Variants in CDKL5 observed in about 807,000 individuals in gnomAD.
CDKL5 encodes the protein cyclin-dependent kinase-like 5.
Under a neutral mutation model 61.7 loss-of-function variants are expected in CDKL5, and 8 were observed. That is an observed-to-expected ratio of 0.13 (90% CI 0.08 to 0.23). CDKL5 has a LOEUF of 0.23. Ranked by LOEUF, CDKL5 falls within the 10% of genes least tolerant of loss-of-function variation. The pLI is 1.00. For missense variants in CDKL5, 440 were observed against 734.5 expected, an observed-to-expected ratio of 0.60 and a Z score of 4.63; for synonymous variants, 275 against 272.3, an observed-to-expected ratio of 1.01 and a Z score of -0.10.
intron 1 of CDKL5, among the ~76,000 whole-genome samples, chrX:18,489,103 C>T (rs1477287504): frequency 1.8e-5 from 2 of 111,158 alleles, no homozygotes; most frequent in Non-Finnish European, 3.8e-5. Context: ...GGAGAGAATA[C>T]TGTCTGGCAC....
chrX:18,528,929 C>A (rs1772488547), intron 3 of CDKL5, among the ~76,000 whole-genome samples: 1 of 111,725 alleles, frequency 9.0e-6, no homozygotes, highest in African/African-American at 3.3e-5. Context: ...AGCCACCACA[C>A]CTGGCCCATT....
At chrX:18,617,280 A>G (rs1045643727) in intron 15 of CDKL5, among the ~76,000 whole-genome samples, 1 of 111,601 alleles carries the variant, frequency 9.0e-6, no homozygotes, top group African/African-American at 3.3e-5. Flanking sequence ...TTTGGTCCCA[A>G]CTGCTGCTCT....
intron 3 of CDKL5, among the ~76,000 whole-genome samples, chrX:18,553,858 A>G (rs754149515): frequency 4.5e-5 from 5 of 111,343 alleles, no homozygotes; most frequent in African/African-American, 1.3e-4. Context: ...TCATAAGACT[A>G]TCCTCTTTTT....
At chrX:18,642,083 A>G (rs281865356), downstream of CDKL5, 1 of 1,211,669 alleles carries the variant, frequency 8.3e-7, no homozygotes, top group Non-Finnish European at 1.1e-6. Context: ...GATGAGGCGG[A>G]TGAAGCGGGA....
At chrX:18,643,893 TC>T (rs1927673090), downstream of CDKL5, among the ~76,000 whole-genome samples, 1 of 111,237 alleles carries the variant, frequency 9.0e-6, no homozygotes, top group Non-Finnish European at 1.9e-5. Flanking sequence ...AAGACTTCTG[TC>T]TCAATCCACA....
chrX:18,615,618 A>G lies in CDKL5; in HGVS notation c.2276+2343A>G, dbSNP rs140435220. 8.1e-5 allele frequency among the ~76,000 whole-genome samples: 9 copies of G among 111,440 alleles called. No individual in the cohort carries two copies. The East Asian group carries it at 2.3e-3, about 28-fold the overall frequency. On this transcript the variant is annotated intron_variant, in intron 15 of 17. Transcript: ENST00000623535. ...TCTTTTGTAAACATGGGGTCTCACTATGCTGCTCAGGCTGGACTCCAGCTC... is the reference window on the plus strand; with the variant it reads ...TCTTTTGTAAACATGGGGTCTCACTGTGCTGCTCAGGCTGGACTCCAGCTC...
chrX:18,597,558 A>T (rs1409138251), intron 10 of CDKL5, among the ~76,000 whole-genome samples: 2 of 109,108 alleles, frequency 1.8e-5, no homozygotes, highest in Admixed American at 2.0e-4. Flanking sequence ...AAACCAAAAA[A>T]TTAGAGTTGA....
chrX:18,479,976 C>G (rs1882214621), intron 1 of CDKL5, among the ~76,000 whole-genome samples: 1 of 111,622 alleles, frequency 9.0e-6, no homozygotes, highest in Non-Finnish European at 1.9e-5. Flanking sequence ...TTCCATGTAC[C>G]CCACATGTAG....
In CDKL5 at chrX:18,476,130, A is replaced by G. The variant is rs139698912; in HGVS notation, c.-162-30805A>G. On this transcript the variant is annotated intron_variant, in intron 1 of 17. Transcript: ENST00000623535. ...TTCTCATTTCTTTGGTTCAACTTTCAGTACTTTGTGAGCTCTCTCATTAGG... is the reference window on the plus strand; with the variant it reads ...TTCTCATTTCTTTGGTTCAACTTTCGGTACTTTGTGAGCTCTCTCATTAGG... 4.5e-3 allele frequency among the ~76,000 whole-genome samples: 502 copies of G among 111,878 alleles called. 4 individuals are homozygous for G. Among genetic ancestry groups the G allele is most frequent in the African/African-American group, 0.015 (454 of 30,857 alleles).
intron 1 of CDKL5, among the ~76,000 whole-genome samples, chrX:18,434,809 T>C (rs1473726800): frequency 9.0e-6 from 1 of 110,979 alleles, no homozygotes; most frequent in Non-Finnish European, 1.9e-5. Flanking sequence ...GCACCTGTAA[T>C]CCCAGCTACT....
intron 1 of CDKL5, among the ~76,000 whole-genome samples, chrX:18,465,877 A>G (rs1379985516): frequency 8.9e-6 from 1 of 111,858 alleles, no homozygotes; most frequent in Non-Finnish European, 1.9e-5. Flanking sequence ...AGCTTTCTAC[A>G]TAGAAGATTT....
chrX:18,544,744 A>G (rs997759635), intron 3 of CDKL5, among the ~76,000 whole-genome samples: 3 of 112,676 alleles, frequency 2.7e-5, no homozygotes, highest in Admixed American at 9.4e-5. Flanking sequence ...ACACAATTAA[A>G]TGTTACTAAA....
intron 3 of CDKL5, among the ~76,000 whole-genome samples, chrX:18,533,788 T>A (rs1835589861): frequency 8.9e-6 from 1 of 111,783 alleles, no homozygotes; most frequent in Non-Finnish European, 1.9e-5. Context: ...CCAGAGATTC[T>A]CAGGACCAGC....
At chrX:18,595,938 C>G (rs1925978148) in intron 10 of CDKL5, among the ~76,000 whole-genome samples, 3 of 111,534 alleles carry the variant, frequency 2.7e-5, no homozygotes, top group Admixed American at 9.5e-5. Flanking sequence ...CTTATGCTAC[C>G]CTCCCTGTCC....
chrX:18,502,587 G>T (rs1463859419), intron 1 of CDKL5, among the ~76,000 whole-genome samples: 1 of 111,170 alleles, frequency 9.0e-6, no homozygotes, highest in Non-Finnish European at 1.9e-5. Flanking sequence ...TTTTGAATGA[G>T]AAGTTTATGA....
At chrX:18,454,123 T>C (rs1471260112) in intron 1 of CDKL5, among the ~76,000 whole-genome samples, 1 of 111,917 alleles carries the variant, frequency 8.9e-6, no homozygotes, top group Non-Finnish European at 1.9e-5. Context: ...GCTCCCCTTA[T>C]TCGATGGTTT....
intron 16 of CDKL5, chrX:18,624,142 G>A: frequency 5.5e-6 from 1 of 180,640 alleles, no homozygotes; most frequent in Non-Finnish European, 8.7e-6. Context: ...AAATTCACTG[G>A]GATATAAATT....
chrX:18,606,488 G>T (rs1224842941), intron 12 of CDKL5, among the ~76,000 whole-genome samples: 1 of 112,244 alleles, frequency 8.9e-6, no homozygotes, highest in African/African-American at 3.2e-5. Flanking sequence ...GCTGGCAGGG[G>T]ACACTTGTCA....
chrX:18,518,380 CTTTTCTTATTTTTTTTTTTTT>C (rs1923104337), intron 3 of CDKL5, among the ~76,000 whole-genome samples: 2 of 23,541 alleles, frequency 8.5e-5, no homozygotes, highest in African/African-American at 3.1e-4. Context: ...GTTTTCTTTT[CTTTTCTTATTTTTTTTTTTTT>C]TTTTTTTTTT....
Sources: allele counts gnomAD v4.1 joint callset (sites outside exome capture counted in the v4.1 genomes callset), GRCh38; gene constraint gnomAD v4.1.1; transcripts MANE v1.5; gene names NCBI Gene and HGNC (gene_info 2026-07-23, HGNC 2026-07-21).